DHX16: variants seen among roughly 807,000 people sequenced by gnomAD.
DHX16 encodes pre-mRNA-splicing factor ATP-dependent RNA helicase DHX16.
DHX16 carries 81 observed loss-of-function variants against 131.2 expected under a neutral mutation model. The observed-to-expected ratio is 0.62, with a 90% CI of 0.52 to 0.74. The LOEUF (loss-of-function observed/expected upper bound fraction) is 0.74. Ranked by LOEUF, DHX16 falls within the 30% of genes least tolerant of loss-of-function variation. DHX16 has a pLI of 0.00. For missense variants in DHX16, 980 were observed against 1,363.1 expected, an observed-to-expected ratio of 0.72 and a Z score of 4.43; for synonymous variants, 440 against 520.2, an observed-to-expected ratio of 0.85 and a Z score of 2.10.
At position 30,659,657 on chromosome 6, in the gene DHX16, C is replaced by T. The variant is rs117905081; in HGVS notation, c.1855-33G>A. Reference sequence around the variant, plus strand: ...GAGGGTAGGGAGAGCAGCAGGGGTCCCAGAGTCACAGAAGGCCAACATGCC... The same window carrying T: ...GAGGGTAGGGAGAGCAGCAGGGGTCTCAGAGTCACAGAAGGCCAACATGCC... On this transcript the variant is annotated intron_variant, in intron 11 of 19. Coordinates refer to ENST00000376442, the MANE Select transcript of DHX16 (RefSeq NM_003587.5). 4.9e-4 allele frequency: 785 copies of T among 1,613,532 alleles called. 9 individuals are homozygous for T. The East Asian group carries it at 0.017, about 34-fold the overall frequency.
chr6:30,654,176 T>TC (rs1414038377), intron 19 of DHX16, among the ~76,000 whole-genome samples: 1 of 152,108 alleles, frequency 6.6e-6, no homozygotes, highest in East Asian at 1.9e-4. Context: ...ACTGCTTTGT[T>TC]CATTATAGCC....
intron 4 of DHX16, among the ~76,000 whole-genome samples, chr6:30,669,436 T>C (rs1233409346): frequency 6.6e-6 from 1 of 150,498 alleles, no homozygotes; most frequent in East Asian, 2.0e-4. Context: ...CAAAAATAAA[T>C]AAATAAAAAT....
rs1437797446 is a variant in DHX16, at chr6:30,656,537, G to C, written c.2312-28C>G. ...AGAAAGAGGTGTGATGGATGGAACA[G>C]AGTCCCTTCAAAGGACAGTGACTCC... On this transcript the variant is annotated intron_variant, in intron 14 of 19. Transcript: ENST00000376442. This position sits in a 1 kb window ranked among gnomAD's most constrained non-coding sequence, Gnocchi z 5.1. 6.2e-6 allele frequency: 10 copies of C among 1,613,932 alleles called. No homozygotes were observed. Among genetic ancestry groups the C allele is most frequent in the Admixed American group, 3.3e-5 (2 of 60,000 alleles).
In DHX16 at chr6:30,656,767, G is replaced by C; in HGVS notation, c.2149-8C>G. 1 of 1,611,662 alleles carries C rather than the reference G, an allele frequency of 6.2e-7. No homozygotes were observed. The highest frequency in any genetic ancestry group is 1.1e-5 in the South Asian group (1 of 91,082). ...TCGCTGATTGGCTGAGGCCTGGAAA[G>C]AAAGGGGAACAGGCTGGCTGACAAT... On this transcript the variant is annotated splice_polypyrimidine_tract_variant and splice_region_variant and intron_variant, in intron 13 of 19. Transcript: ENST00000376442. The surrounding 1 kb of genome is among the most constrained non-coding windows in gnomAD (Gnocchi z 5.1).
In DHX16 at chr6:30,656,779, G is replaced by C. The variant is rs1320426207; in HGVS notation, c.2149-20C>G. On this transcript the variant is annotated intron_variant, in intron 13 of 19. Coordinates refer to ENST00000376442, the MANE Select transcript of DHX16 (RefSeq NM_003587.5). The surrounding 1 kb of genome is among the most constrained non-coding windows in gnomAD (Gnocchi z 5.1). The stretch of plus-strand genomic sequence containing the variant: ...TGAGGCCTGGAAAGAAAGGGGAACA[G>C]GCTGGCTGACAATTTGGTCAGGGAA... 6 of 1,610,726 alleles carry C rather than the reference G, an allele frequency of 3.7e-6. No homozygotes were observed. The highest frequency in any genetic ancestry group is 5.1e-6 in the Non-Finnish European group (6 of 1,179,772).
intron 19 of DHX16, 110 bp from the exon 20 acceptor site, chr6:30,653,480 T>C: frequency 1.6e-6 from 2 of 1,252,692 alleles, no homozygotes; most frequent in Non-Finnish European, 2.1e-6. Context: ...TTGCCCAGGC[T>C]GGACTGCAGT....
chr6:30,665,028 C>T lies in DHX16; in HGVS notation c.1126-36G>A, dbSNP rs1316353057. 3 of 1,613,592 alleles carry T rather than the reference C, an allele frequency of 1.9e-6. No individual in the cohort carries two copies. Among genetic ancestry groups the T allele is most frequent in the African/African-American group, 1.3e-5 (1 of 74,886 alleles). ...AGAAGGAGGTGTGAGCTAAATAGCT[C>T]GCTACGGGTCTTCCTCAGAAAGTCT... On this transcript the variant is annotated intron_variant, in intron 6 of 19. Coordinates refer to ENST00000376442, the MANE Select transcript of DHX16 (RefSeq NM_003587.5). This position sits in a 1 kb window ranked among gnomAD's most constrained non-coding sequence, Gnocchi z 4.8.
chr6:30,661,916 T>C, intron 9 of DHX16: 1 of 715,030 alleles, frequency 1.4e-6, no homozygotes, highest in East Asian at 2.7e-5. Flanking sequence ...GTCCAATTGC[T>C]CCACTGTGAT....
At position 30,665,445 on chromosome 6, in the gene DHX16, G is replaced by C. The variant is rs536429593; in HGVS notation, c.921+34C>G. ...AGCCTTCCCCACAACTTGTCTTGGG[G>C]ACCAAGGCTGAAGCAGACGCCGCTT... On this transcript the variant is annotated intron_variant, in intron 5 of 19. Coordinates refer to ENST00000376442, the MANE Select transcript of DHX16 (RefSeq NM_003587.5). The surrounding 1 kb of genome is among the most constrained non-coding windows in gnomAD (Gnocchi z 4.8). The C allele has an allele frequency of 6.3e-7, 1 of 1,599,836 alleles. No homozygotes were observed. The highest frequency in any genetic ancestry group is 1.3e-5 in the African/African-American group (1 of 74,566).
intron 12 of DHX16, among the ~76,000 whole-genome samples, chr6:30,657,585 C>A (rs1201135139): frequency 2.0e-5 from 3 of 152,072 alleles, no homozygotes; most frequent in Non-Finnish European, 4.4e-5. Context: ...CCTGGATCAC[C>A]TACCCCAGCT....
At position 30,655,076 on chromosome 6, in the gene DHX16, G is replaced by T. The variant is rs1349024557; in HGVS notation, c.2823+99C>A. On this transcript the variant is annotated intron_variant, in intron 18 of 19. Coordinates refer to ENST00000376442, the MANE Select transcript of DHX16 (RefSeq NM_003587.5). ...ACACGTCATACACAAGGGGAAGAGG[G>T]CATGCTCTCACGCTGGAGGAAATGC... The T allele has an allele frequency of 4.6e-6, 7 of 1,514,276 alleles. No homozygotes were observed. In the African/African-American group the frequency reaches 9.6e-5, roughly 21 times the overall value. The allele number at this position is 1,514,276 out of a possible 1,614,324, so 93.8% of individuals were successfully genotyped here.
At chr6:30,664,510 G>A (rs1223598524) in intron 7 of DHX16, among the ~76,000 whole-genome samples, 2 of 151,222 alleles carry the variant, frequency 1.3e-5, no homozygotes, top group Non-Finnish European at 2.9e-5. Context: ...CAAAAAGGCA[G>A]GAAAATAGTC....
In DHX16 at chr6:30,665,326, CCT is replaced by C. The variant is rs1561990479; in HGVS notation, c.922-54_922-53del. The C allele has an allele frequency of 6.3e-7, 1 of 1,593,920 alleles. No individual in the cohort carries two copies. Among genetic ancestry groups the C allele is most frequent in the East Asian group, 2.2e-5 (1 of 44,724 alleles). Reference sequence around the variant, plus strand: ...CTCAAAAACAGGATGTCCTCTCTGCCCTCTCCCCTCTTCCCATTACTACCCCC... The same window carrying C: ...CTCAAAAACAGGATGTCCTCTCTGCCCTCCCCTCTTCCCATTACTACCCCC... On this transcript the variant is annotated intron_variant, in intron 5 of 19. Coordinates refer to ENST00000376442, the MANE Select transcript of DHX16 (RefSeq NM_003587.5). The surrounding 1 kb of genome is among the most constrained non-coding windows in gnomAD (Gnocchi z 4.8).
At position 30,672,749 on chromosome 6, in the gene DHX16, G is replaced by A. The variant is rs1251837153; in HGVS notation, c.93C>T (p.Ile31=). 1 of 1,613,028 alleles carries A rather than the reference G, an allele frequency of 6.2e-7. No homozygotes were observed. Among genetic ancestry groups the A allele is most frequent in the Non-Finnish European group, 8.5e-7 (1 of 1,180,020 alleles). The change falls in exon 1 of 20, where the codon ATC becomes ATT. Residue 31 remains isoleucine (I), a synonymous_variant. Transcript: ENST00000376442. ...LSERHVAQFL[I]GTAQRCTSAE... ...CAGAGGTGCAGCGCTGTGCGGTACC[G>A]ATCAGAAACTGGGCGACGTGCCGCT...
rs1344358446 is a variant in DHX16, at chr6:30,656,263, A to AG, written c.2432dup (p.Gly812TrpfsTer21). The AG allele has an allele frequency of 5.0e-6, 8 of 1,613,760 alleles. No individual in the cohort carries two copies. Among genetic ancestry groups the AG allele is most frequent in the Non-Finnish European group, 6.8e-6 (8 of 1,180,018 alleles). ...CCGGCAGCTCTGCCATCTTTCGACCAGACTAAGGAGAAGAGAGAGAGAGTT... is the reference window on the plus strand; with the variant it reads ...CCGGCAGCTCTGCCATCTTTCGACCAGGACTAAGGAGAAGAGAGAGAGAGTT... On this transcript the variant is annotated frameshift_variant and splice_region_variant, in exon 16 of 20. Transcript: ENST00000376442. LOFTEE classifies it high-confidence loss of function. This position sits in a 1 kb window ranked among gnomAD's most constrained non-coding sequence, Gnocchi z 5.1.
chr6:30,658,474 C>T (rs1041146020), intron 12 of DHX16, among the ~76,000 whole-genome samples: 1 of 149,836 alleles, frequency 6.7e-6, no homozygotes, highest in Non-Finnish European at 1.5e-5. Flanking sequence ...ACCTGTGAGG[C>T]AGAGGTTGCA....
intron 12 of DHX16, among the ~76,000 whole-genome samples, chr6:30,658,570 G>A (rs1768190904): frequency 6.7e-6 from 1 of 150,140 alleles, no homozygotes; most frequent in South Asian, 2.1e-4. Context: ...AATTAGCTTG[G>A]GGTGGTGGTA....
rs140943109 is a variant in DHX16, at chr6:30,671,658, T to C, written c.208-384A>G. ...CCACACCCGGGCACAATTACTTAGT[T>C]TTAAACCAGCTAACCAGCATTCATT... is the stretch of plus-strand genomic sequence containing the variant. On this transcript the variant is annotated intron_variant, in intron 1 of 19. Transcript: ENST00000376442. 6.5e-4 allele frequency among the ~76,000 whole-genome samples: 98 copies of C among 151,458 alleles called. 1 individual carries two copies. Among genetic ancestry groups the C allele is most frequent in the Non-Finnish European group, 9.7e-4 (66 of 67,898 alleles).
At chr6:30,667,305 G>A (rs984395724) in intron 4 of DHX16, among the ~76,000 whole-genome samples, 8 of 152,070 alleles carry the variant, frequency 5.3e-5, no homozygotes, top group Non-Finnish European at 5.9e-5. Flanking sequence ...CATTTCGGCC[G>A]GGCGCGGTGG....
Sources: gnomAD v4.1 joint callset for allele counts (sites outside exome capture counted in the v4.1 genomes callset) on GRCh38, gnomAD v4.1.1 for gene constraint, Gnocchi (gnomAD v3.1) non-coding constraint, MANE v1.5 for transcripts, NCBI Gene and HGNC (gene_info 2026-07-23, HGNC 2026-07-21) for gene names.